The following EYA1 variants were observed in gnomAD, a reference collection of about 807,000 sequenced individuals.
EYA1 encodes the protein protein phosphatase EYA1.
EYA1 carries 16 observed loss-of-function variants against 82.0 expected under a neutral mutation model. That is an observed-to-expected ratio of 0.20 (90% CI 0.13 to 0.30). The LOEUF (loss-of-function observed/expected upper bound fraction) is 0.30, where lower values mean the gene tolerates loss of function less well. Ranked by LOEUF, EYA1 falls within the 10% of genes least tolerant of loss-of-function variation. The pLI is 1.00. For missense variants in EYA1, 633 were observed against 730.7 expected, an observed-to-expected ratio of 0.87 and a Z score of 1.54; for synonymous variants, 261 against 264.4, an observed-to-expected ratio of 0.99 and a Z score of 0.12.
At chr8:71,349,184 A>T (rs1015499960) in intron 3 of EYA1, among the ~76,000 whole-genome samples, 1 of 152,190 alleles carries the variant, frequency 6.6e-6, no homozygotes, top group Non-Finnish European at 1.5e-5. Context: ...AAGGACTCTC[A>T]CACACTCACG....
chr8:71,400,599 T>A (rs1829903517), intron 2 of EYA1, among the ~76,000 whole-genome samples: 1 of 152,214 alleles, frequency 6.6e-6, no homozygotes, highest in Non-Finnish European at 1.5e-5. Context: ...CCATTTCGCA[T>A]CAGTCAGAAT....
intron 2 of EYA1, among the ~76,000 whole-genome samples, chr8:71,423,467 G>A (rs915254139): frequency 2.0e-5 from 3 of 152,036 alleles, no homozygotes; most frequent in Non-Finnish European, 2.9e-5. Flanking sequence ...AAACTGGCAA[G>A]AAAAATCCAT....
At chr8:71,267,912 A>G (rs1284931523) in intron 11 of EYA1, among the ~76,000 whole-genome samples, 1 of 152,230 alleles carries the variant, frequency 6.6e-6, no homozygotes, top group Non-Finnish European at 1.5e-5. Flanking sequence ...AAACAAATAT[A>G]TTACTACTTG....
chr8:71,242,767 T>A (rs1812629777), intron 12 of EYA1, among the ~76,000 whole-genome samples: 1 of 148,298 alleles, frequency 6.7e-6, no homozygotes, highest in African/African-American at 2.5e-5. Context: ...TAAGCAAGTT[T>A]TGGCACTTTT....
chr8:71,424,648 A>G (rs1374423261), intron 2 of EYA1, among the ~76,000 whole-genome samples: 2 of 152,200 alleles, frequency 1.3e-5, no homozygotes, highest in African/African-American at 4.8e-5. Context: ...GCCCAGCTGG[A>G]GAAGCCTGTT....
intron 2 of EYA1, among the ~76,000 whole-genome samples, chr8:71,486,900 T>C (rs1164321015): frequency 2.6e-5 from 4 of 151,538 alleles, no homozygotes; most frequent in Admixed American, 2.6e-4. Context: ...ACAGAAGTGC[T>C]ATTTTCATCT....
intron 2 of EYA1, among the ~76,000 whole-genome samples, chr8:71,428,126 T>G (rs2129157543): frequency 6.6e-6 from 1 of 152,270 alleles, no homozygotes; most frequent in African/African-American, 2.4e-5. Context: ...TTTTTTGGCT[T>G]ATAGGAGAAA....
chr8:71,451,855 C>T (rs1031169648), intron 2 of EYA1, among the ~76,000 whole-genome samples: 24 of 152,164 alleles, frequency 1.6e-4, no homozygotes, highest in Admixed American at 5.2e-4. Context: ...ACGCAGAAGA[C>T]GGGTGATTTC....
chr8:71,432,259 T>C (rs1258191247), intron 2 of EYA1, among the ~76,000 whole-genome samples: 1 of 152,206 alleles, frequency 6.6e-6, no homozygotes, highest in Non-Finnish European at 1.5e-5. Context: ...CAATAAACAA[T>C]TGCATTTTAG....
intron 16 of EYA1, among the ~76,000 whole-genome samples, chr8:71,212,436 G>T (rs1808628280): frequency 6.6e-6 from 1 of 152,324 alleles, no homozygotes; most frequent in African/African-American, 2.4e-5. Flanking sequence ...TCGATGTCAT[G>T]AAAGTTTTTT....
intron 2 of EYA1, among the ~76,000 whole-genome samples, chr8:71,511,925 G>T (rs1812624868): frequency 1.3e-5 from 2 of 152,144 alleles, no homozygotes; most frequent in South Asian, 4.1e-4. Context: ...CCCAGACCTG[G>T]TTCATTAGCC....
chr8:71,386,960 T>C (rs138581720), intron 2 of EYA1, among the ~76,000 whole-genome samples: 38 of 152,348 alleles, frequency 2.5e-4, no homozygotes, highest in Non-Finnish European at 4.9e-4. Flanking sequence ...ATGGAATTTA[T>C]TGAGCAGATG....
intron 17 of EYA1, among the ~76,000 whole-genome samples, chr8:71,209,465 G>T (rs970559900): frequency 1.3e-5 from 2 of 152,174 alleles, no homozygotes; most frequent in African/African-American, 4.8e-5. Context: ...CCAGACTCAC[G>T]CAGGTTTGTG....
At chr8:71,225,148 T>G in intron 12 of EYA1, 2 of 447,002 alleles carry the variant, frequency 4.5e-6, no homozygotes, top group South Asian at 3.2e-5. Context: ...GTATTTATAC[T>G]TACTGATGCA....
intron 4 of EYA1, among the ~76,000 whole-genome samples, chr8:71,325,758 CA>C (rs1823078815): frequency 6.6e-6 from 1 of 152,154 alleles, no homozygotes; most frequent in Non-Finnish European, 1.5e-5. Context: ...CTGAATGTGT[CA>C]AAGGCCATAT....
intron 17 of EYA1, among the ~76,000 whole-genome samples, chr8:71,205,543 G>T (rs1403549662): frequency 5.9e-5 from 9 of 152,060 alleles, no homozygotes; most frequent in Non-Finnish European, 1.3e-4. Context: ...TCCTGCAAGA[G>T]ATCCTTTCAA....
intron 7 of EYA1, among the ~76,000 whole-genome samples, chr8:71,308,695 CAAAAAGCTTTTTTTTTTTTTTAAGAAAAA>C (rs1191861858): frequency 7.4e-6 from 1 of 135,274 alleles, no homozygotes; most frequent in African/African-American, 2.8e-5. Flanking sequence ...GTTATAACTT[CAAAAAGCTTTTTTTTTTTTTTAAGAAAAA>C]AAAAAAAGGA....
intron 2 of EYA1, among the ~76,000 whole-genome samples, chr8:71,500,907 C>A (rs1377451299): frequency 6.6e-6 from 1 of 152,074 alleles, no homozygotes; most frequent in Non-Finnish European, 1.5e-5. Context: ...AGTCAGTCCC[C>A]AACTTAAGCC....
At chr8:71,336,054 C>T (rs1824447297) in intron 3 of EYA1, among the ~76,000 whole-genome samples, 1 of 152,064 alleles carries the variant, frequency 6.6e-6, no homozygotes, top group South Asian at 2.1e-4. Flanking sequence ...AGACAAACTC[C>T]CTAGTCAGTA....
Sources: allele counts gnomAD v4.1 joint callset (sites outside exome capture counted in the v4.1 genomes callset), GRCh38; gene constraint gnomAD v4.1.1; transcripts MANE v1.5; gene names NCBI Gene and HGNC (gene_info 2026-07-23, HGNC 2026-07-21).